KIF15: variants seen among roughly 807,000 people sequenced by gnomAD.
KIF15 encodes the protein kinesin family member 15.
Under a neutral mutation model 190.6 loss-of-function variants are expected in KIF15, and 140 were observed. That is an observed-to-expected ratio of 0.73 (90% confidence interval 0.64 to 0.84). The LOEUF (loss-of-function observed/expected upper bound fraction) is 0.84. Ranked by LOEUF, KIF15 falls within the 40% of genes least tolerant of loss-of-function variation. KIF15 has a pLI of 0.00. For synonymous variants in KIF15, 528 were observed against 551.3 expected, an observed-to-expected ratio of 0.96 and a Z score of 0.59; for missense variants, 1,372 against 1,584.4, an observed-to-expected ratio of 0.87 and a Z score of 2.28.
chr3:44,806,264 T>C (rs758364317), intron 16 of KIF15, among the ~76,000 whole-genome samples: 1 of 152,228 alleles, frequency 6.6e-6, no homozygotes, highest in African/African-American at 2.4e-5. Context: ...TATCTTTCTT[T>C]TCTCTAAATT....
chr3:44,834,841 G>C (rs1698231146), intron 26 of KIF15, among the ~76,000 whole-genome samples: 1 of 151,904 alleles, frequency 6.6e-6, no homozygotes, highest in South Asian at 2.1e-4. Flanking sequence ...GCTGAGGTAG[G>C]AGAATCGCTG....
chr3:44,851,998 TGAATA>T (rs766903310), intron 33 of KIF15, 46 bp downstream of exon 33: 259 of 1,569,310 alleles, frequency 1.7e-4, no homozygotes, highest in Non-Finnish European at 3.4e-5. Context: ...AACACTCAAA[TGAATA>T]GAACTAATTA....
intron 20 of KIF15, among the ~76,000 whole-genome samples, chr3:44,816,992 T>C (rs1414860248): frequency 6.6e-6 from 1 of 152,236 alleles, no homozygotes; most frequent in African/African-American, 2.4e-5. Context: ...TGACCAGTGA[T>C]GATGAGCATT....
At position 44,848,344 on chromosome 3, in the gene KIF15, G is replaced by A. The variant is rs372507019; in HGVS notation, c.3769-177G>A. Among the ~76,000 whole-genome samples, 3 of 152,208 alleles carry A rather than the reference G, an allele frequency of 2.0e-5. No individual in the cohort carries two copies. The East Asian group carries it at 5.8e-4, about 29-fold the overall frequency. On this transcript the variant is annotated intron_variant, in intron 31 of 34. Transcript: ENST00000326047. Reference sequence around the variant, plus strand: ...TGAAGCCTTAGAGGGCATAGTGCATGAAGTCTTGGAAATAGGTACTTACTT... The same window carrying A: ...TGAAGCCTTAGAGGGCATAGTGCATAAAGTCTTGGAAATAGGTACTTACTT...
At chr3:44,862,070 TCGGGGCCCTGG>T in intron 6 of KIF15, 5 of 1,134,494 alleles carry the variant, frequency 4.4e-6, no homozygotes, top group Non-Finnish European at 2.2e-6. Flanking sequence ...GCCGGCGCGT[TCGGGGCCCTGG>T]CCGCCGCCTC....
chr3:44,824,894 G>A (rs1697560043), intron 20 of KIF15, among the ~76,000 whole-genome samples: 1 of 152,014 alleles, frequency 6.6e-6, no homozygotes, highest in African/African-American at 2.4e-5. Context: ...CACATAGCTG[G>A]GACTACAGGC....
In KIF15 at chr3:44,814,931, G is replaced by A; in HGVS notation, c.2404G>A (p.Asp802Asn). 6.2e-7 allele frequency: 1 copy of A among 1,603,184 alleles called. No homozygotes were observed. Among genetic ancestry groups the A allele is most frequent in the Non-Finnish European group, 8.5e-7 (1 of 1,176,934 alleles). Reference sequence around the variant, plus strand: ...TTTAGTTTTGAAAAGTGAGGTACATGACCTGCGAGTAGTCCTTCATTCTGC... The same window carrying A: ...TTTAGTTTTGAAAAGTGAGGTACATAACCTGCGAGTAGTCCTTCATTCTGC... ...KNDFLKSEVH[D>N]LRVVLHSADK... Residue 802 changes from aspartate (D) to asparagine (N), a missense_variant, in exon 20 of 35, where the codon GAC becomes AAC. Transcript: ENST00000326047.
At chr3:44,767,732 A>G (rs1196582270) in intron 1 of KIF15, among the ~76,000 whole-genome samples, 1 of 151,028 alleles carries the variant, frequency 6.6e-6, no homozygotes, top group African/African-American at 2.4e-5. Context: ...CGTCTCCACT[A>G]AAAATACAAA....
At position 44,805,834 on chromosome 3, in the gene KIF15, A is replaced by G; in HGVS notation, c.1830-11A>G. ...ATTACCTGAAATACTCCGTTTTACA[A>G]TATCTATTAGGAAAAGGCAGCTAGA... On this transcript the variant is annotated splice_polypyrimidine_tract_variant and intron_variant, in intron 15 of 34. Transcript: ENST00000326047. 1 of 1,608,306 alleles carries G rather than the reference A, an allele frequency of 6.2e-7. No homozygotes were observed. The highest frequency in any genetic ancestry group is 1.1e-5 in the South Asian group (1 of 89,876).
Position 44,761,896 on chromosome 3 carries a change from C to G in KIF15, c.19+12C>G. On this transcript the variant is annotated intron_variant, in intron 1 of 34. Transcript: ENST00000326047. ...ACCCGGCTGCAAAAGTAAGTCTGGG[C>G]CCCCGGCTTCGTTACCCTATTTTTG... The G allele has an allele frequency of 6.2e-7, 1 of 1,614,116 alleles. No individual in the cohort carries two copies. The highest frequency in any genetic ancestry group is 8.5e-7 in the Non-Finnish European group (1 of 1,179,968).
At chr3:44,852,482 T>C in intron 34 of KIF15, 143 bp downstream of exon 34, 1 of 883,948 alleles carries the variant, frequency 1.1e-6, no homozygotes, top group Non-Finnish European at 1.7e-6. Flanking sequence ...AAAAAGTTGG[T>C]CGTTGCTATT....
At chr3:44,821,743 G>C (rs1026629098) in intron 20 of KIF15, among the ~76,000 whole-genome samples, 4 of 151,872 alleles carry the variant, frequency 2.6e-5, no homozygotes, top group African/African-American at 9.7e-5. Flanking sequence ...AGAGGCTGCA[G>C]TCTCGGCACT....
At chr3:44,764,393 A>G (rs541043183) in intron 1 of KIF15, among the ~76,000 whole-genome samples, 10 of 152,270 alleles carry the variant, frequency 6.6e-5, no homozygotes, top group African/African-American at 2.2e-4. Flanking sequence ...TCAACTGAAC[A>G]TTATGTCTGT....
At position 44,815,028 on chromosome 3, in the gene KIF15, A is replaced by C. The variant is rs1242889875; in HGVS notation, c.2501A>C (p.Lys834Thr). The C allele has an allele frequency of 1.2e-6, 2 of 1,611,724 alleles. No individual in the cohort carries two copies. Among genetic ancestry groups the C allele is most frequent in the Non-Finnish European group, 8.5e-7 (1 of 1,179,348 alleles). Residue 834 changes from lysine (K) to threonine (T), a missense_variant, in exon 20 of 35, where the codon AAA (lysine) becomes ACA (threonine). Physicochemically the swap from Lys to Thr is moderately conservative, Grantham distance 78. Transcript: ENST00000326047. ...ACGAATCAGGAGAAAGAATTCAACA[A>C]ACTTTCCGAAAGACACATGCATGTA... The part of the protein sequence containing the change: ...FKTNQEKEFN[K>T]LSERHMHVQL...
At chr3:44,831,135 C>T (rs1190495145) in intron 26 of KIF15, 117 bp downstream of exon 26, 5 of 1,191,064 alleles carry the variant, frequency 4.2e-6, no homozygotes, top group Non-Finnish European at 5.8e-6. Flanking sequence ...AATTCTTATA[C>T]AGCTGATGTG....
chr3:44,841,002 C>T, intron 28 of KIF15, 72 bp from the exon 29 acceptor site: 1 of 1,355,006 alleles, frequency 7.4e-7, no homozygotes. Flanking sequence ...ATGTACTTGA[C>T]ATTTACGTTT....
chr3:44,822,201 T>C (rs1697378191), intron 20 of KIF15, among the ~76,000 whole-genome samples: 1 of 152,224 alleles, frequency 6.6e-6, no homozygotes, highest in Admixed American at 6.5e-5. Context: ...TCAGGCCTGA[T>C]GGTGACAAAA....
intron 7 of KIF15, among the ~76,000 whole-genome samples, chr3:44,788,106 G>A (rs1422084117): frequency 6.6e-6 from 1 of 152,182 alleles, no homozygotes; most frequent in East Asian, 1.9e-4. Context: ...ACCTGCCTTG[G>A]CCTCCCAAAG....
intron 5 of KIF15, among the ~76,000 whole-genome samples, chr3:44,781,683 T>C (rs1706169968): frequency 6.6e-6 from 1 of 152,252 alleles, no homozygotes; most frequent in African/African-American, 2.4e-5. Context: ...GTTGCTCCAC[T>C]TCCTTATATA....
Sources: gnomAD v4.1 joint callset for allele counts (sites outside exome capture counted in the v4.1 genomes callset) on GRCh38, gnomAD v4.1.1 for gene constraint, MANE v1.5 for transcripts, NCBI Gene and HGNC (gene_info 2026-07-23, HGNC 2026-07-21) for gene names.